The following STK32B variants were observed in gnomAD, a reference collection of about 807,000 sequenced individuals.
STK32B encodes serine/threonine-protein kinase 32B.
Under a neutral mutation model 52.6 loss-of-function variants are expected in STK32B, and 43 were observed. The ratio of observed to expected loss-of-function variants is 0.82; its 90% CI spans 0.64 to 1.05. STK32B has a LOEUF of 1.05. Ranked by LOEUF, STK32B falls within the 50% of genes least tolerant of loss-of-function variation. The probability of loss-of-function intolerance (pLI) is 0.00; values close to 1 mark genes in which losing one functional copy is unlikely to be tolerated. For missense variants in STK32B, 621 were observed against 534.6 expected (o/e 1.16, Z -1.59); for synonymous variants, 238 against 204.3 (o/e 1.17, Z -1.41).
chr4:5,318,480 A>T (rs916286264), intron 3 of STK32B, among the ~76,000 whole-genome samples: 1 of 152,162 alleles, frequency 6.6e-6, no homozygotes, highest in Non-Finnish European at 1.5e-5. Context: ...AGAAAAAAAA[A>T]GTTAGGAGCA....
intron 3 of STK32B, among the ~76,000 whole-genome samples, chr4:5,192,071 G>A (rs1721252489): frequency 1.3e-5 from 2 of 152,198 alleles, no homozygotes; most frequent in African/African-American, 4.8e-5. Context: ...TCCATTGCCA[G>A]GGAGGCATGC....
At chr4:5,245,212 C>A (rs1247557970) in intron 3 of STK32B, among the ~76,000 whole-genome samples, 1 of 152,008 alleles carries the variant, frequency 6.6e-6, no homozygotes, top group Non-Finnish European at 1.5e-5. Flanking sequence ...TGTTGGAGTC[C>A]AAGAATCTTT....
intron 2 of STK32B, among the ~76,000 whole-genome samples, chr4:5,159,223 G>A (rs547392066): frequency 6.6e-6 from 1 of 152,252 alleles, no homozygotes; most frequent in South Asian, 2.1e-4. Context: ...CTCTGTGTAC[G>A]CTGACTGAGG....
Position 5,123,566 on chromosome 4 carries a change from A to G in STK32B, c.53-16339A>G, listed in dbSNP as rs180982143. Among the ~76,000 whole-genome samples the G allele has an allele frequency of 2.0e-5, 3 of 152,260 alleles. 1 individual carries two copies. The highest frequency in any genetic ancestry group is 3.9e-4 in the East Asian group (2 of 5,184). ...ACAAGTCTGAGATCAAGGTGTGGGC[A>G]GGGTTGATTTCTTCCAAGGCCTCTC... is the stretch of plus-strand genomic sequence containing the variant. On this transcript the variant is annotated intron_variant, in intron 1 of 11. Transcript: ENST00000282908.
chr4:5,091,970 T>C (rs1713101640), intron 1 of STK32B, among the ~76,000 whole-genome samples: 1 of 152,226 alleles, frequency 6.6e-6, no homozygotes, highest in Admixed American at 6.5e-5. Flanking sequence ...TATTGTATGA[T>C]TTCATTTATA....
intron 3 of STK32B, among the ~76,000 whole-genome samples, chr4:5,220,997 G>C (rs1723493206): frequency 6.6e-6 from 1 of 152,290 alleles, no homozygotes; most frequent in South Asian, 2.1e-4. Context: ...CTGAGTGATT[G>C]AGTATCTAAC....
chr4:5,102,490 T>TTCCGTCCC (rs1370529867), intron 1 of STK32B, among the ~76,000 whole-genome samples: 1 of 79,876 alleles, frequency 1.3e-5, no homozygotes, highest in Non-Finnish European at 2.5e-5. Flanking sequence ...CCTTCCTTCC[T>TTCCGTCCC]TCCCTCCCTC....
chr4:5,275,500 G>C (rs1577279819), intron 3 of STK32B, among the ~76,000 whole-genome samples: 1 of 152,212 alleles, frequency 6.6e-6, no homozygotes, highest in African/African-American at 2.4e-5. Context: ...CTCAGAGGAG[G>C]TGCACCCTCT....
At chr4:5,374,658 T>G (rs1735464061) in intron 4 of STK32B, among the ~76,000 whole-genome samples, 1 of 152,116 alleles carries the variant, frequency 6.6e-6, no homozygotes, top group Admixed American at 6.6e-5. Flanking sequence ...CAGCGTCTTT[T>G]ATAAGGGTAT....
At chr4:5,406,285 G>T (rs775148185) in intron 5 of STK32B, among the ~76,000 whole-genome samples, 2 of 152,184 alleles carry the variant, frequency 1.3e-5, no homozygotes, top group Non-Finnish European at 2.9e-5. Context: ...GCATGGTACA[G>T]CCCCCTCGGC....
At chr4:5,318,043 A>T (rs1731228609) in intron 3 of STK32B, among the ~76,000 whole-genome samples, 1 of 152,116 alleles carries the variant, frequency 6.6e-6, no homozygotes, top group Non-Finnish European at 1.5e-5. Context: ...CTGAAGTTTG[A>T]GAACCACTGG....
rs746653406 is a variant in STK32B, at chr4:5,396,995, G to A, written c.435-1212G>A. Among the ~76,000 whole-genome samples, 19 of 152,124 alleles carry A rather than the reference G, an allele frequency of 1.2e-4. No homozygotes were observed. Among genetic ancestry groups the A allele is most frequent in the Non-Finnish European group, 1.9e-4 (13 of 68,044 alleles). On this transcript the variant is annotated intron_variant, in intron 4 of 11. Coordinates refer to ENST00000282908, the MANE Select transcript of STK32B (RefSeq NM_018401.3). This position sits in a 1 kb window ranked among gnomAD's most constrained non-coding sequence, Gnocchi z 4.7. The stretch of plus-strand genomic sequence containing the variant: ...GGGCCCACGTACTCAATGCTCCTCG[G>A]TACTCATGGGTTTGAAAAGTCACAA...
At chr4:5,066,960 AT>A (rs1742449534) in intron 1 of STK32B, among the ~76,000 whole-genome samples, 1 of 152,148 alleles carries the variant, frequency 6.6e-6, no homozygotes, top group South Asian at 2.1e-4. Flanking sequence ...GTAATATTGC[AT>A]TTACTCTTGT....
rs527999783 is a variant in STK32B, at chr4:5,330,659, C to T, written c.261-561C>T. 2.6e-5 allele frequency among the ~76,000 whole-genome samples: 4 copies of T among 152,346 alleles called. No individual in the cohort carries two copies. The East Asian group carries it at 7.7e-4, about 29-fold the overall frequency. ...CTCAGCTGTGGATCTGGTTTTCCTT[C>T]TCTTGGCCTCTCCATGTGGCTTGCA... On this transcript the variant is annotated intron_variant, in intron 3 of 11. Transcript: ENST00000282908.
At position 5,453,829 on chromosome 4, in the gene STK32B, T is replaced by TG. The variant is rs1716247388; in HGVS notation, c.667-2976dup. On this transcript the variant is annotated intron_variant, in intron 7 of 11. Transcript: ENST00000282908. The surrounding 1 kb of genome is among the most constrained non-coding windows in gnomAD (Gnocchi z 4.0). ...CTGAGGCAGGAGAATCGCTTGAACC[T>TG]GGCAGGTGGAGGTTGCAGTGAGCCG... Among the ~76,000 whole-genome samples, 1 of 152,010 alleles carries TG rather than the reference T, an allele frequency of 6.6e-6. No individual in the cohort carries two copies. The highest frequency in any genetic ancestry group is 2.1e-4 in the South Asian group (1 of 4,826).
intron 1 of STK32B, among the ~76,000 whole-genome samples, chr4:5,095,726 G>A (rs905441184): frequency 1.3e-5 from 2 of 152,178 alleles, no homozygotes; most frequent in African/African-American, 4.8e-5. Flanking sequence ...GAGAGTAAAA[G>A]AGACATTGTC....
At chr4:5,162,853 T>A (rs1319206135) in intron 2 of STK32B, among the ~76,000 whole-genome samples, 2 of 152,240 alleles carry the variant, frequency 1.3e-5, no homozygotes, top group African/African-American at 2.4e-5. Flanking sequence ...TTGCTGTTGG[T>A]GACAAGTGTT....
intron 1 of STK32B, among the ~76,000 whole-genome samples, chr4:5,067,660 A>G (rs1434072911): frequency 1.3e-5 from 2 of 152,104 alleles, no homozygotes; most frequent in Non-Finnish European, 2.9e-5. Context: ...AATAGCTTTA[A>G]GGGTACAAGT....
intron 3 of STK32B, among the ~76,000 whole-genome samples, chr4:5,269,543 A>C (rs1560274922): frequency 6.6e-6 from 1 of 152,224 alleles, no homozygotes. Context: ...CAATCAACTG[A>C]AACAGACAAT....
Sources: gnomAD v4.1 joint callset for allele counts (sites outside exome capture counted in the v4.1 genomes callset) on GRCh38, gnomAD v4.1.1 for gene constraint, Gnocchi (gnomAD v3.1) non-coding constraint, MANE v1.5 for transcripts, NCBI Gene and HGNC (gene_info 2026-07-23, HGNC 2026-07-21) for gene names.